The following INKA2 variants were observed in gnomAD, a reference collection of about 807,000 sequenced individuals.
INKA2 encodes inka box actin regulator 2.
In INKA2, 3 loss-of-function variants were observed where a neutral mutation model predicts 9.8. The observed-to-expected ratio is 0.31, with a 90% CI of 0.14 to 0.79. The LOEUF (loss-of-function observed/expected upper bound fraction) is 0.79, where lower values mean the gene tolerates loss of function less well. INKA2 is among the 30% of genes least tolerant of loss of function. The pLI, the probability that INKA2 is intolerant of heterozygous loss-of-function variation, is 0.62. For missense variants in INKA2, 392 were observed against 384.4 expected (o/e 1.02, Z -0.17); for synonymous variants, 147 against 143.3 (o/e 1.03, Z -0.18).
rs1469198270 is a variant in INKA2 at position 111,723,056 on chromosome 1, T to C, written c.*3912A>G. ...CAGTGACAGAGGGGGCTCTCAAATC[T>C]TAACTCCAAGTCTAGTGCTCATACC... On this transcript the variant is annotated 3_prime_UTR_variant, in exon 2 of 2. Coordinates refer to ENST00000357260, the MANE Select transcript of INKA2 (RefSeq NM_019099.5). The C allele has an allele frequency of 2.8e-6, 2 of 701,980 alleles. No individual in the cohort carries two copies. The highest frequency in any genetic ancestry group is 4.0e-5 in the Admixed American group (2 of 49,932). The allele number at this position is 701,980 out of a possible 1,614,324, so 43.5% of individuals were successfully genotyped here.
chr1:111,755,611 GCGGCT>G, intron 1 of INKA2: 2 of 1,523,748 alleles, frequency 1.3e-6, no homozygotes, highest in Non-Finnish European at 1.8e-6. Flanking sequence ...GCACGGCTGG[GCGGCT>G]CCGCCCAGAA....
intron 1 of INKA2, among the ~76,000 whole-genome samples, chr1:111,731,335 C>G (rs1307466250): frequency 6.6e-6 from 1 of 151,402 alleles, no homozygotes; most frequent in Non-Finnish European, 1.5e-5. Context: ...TATTTACATT[C>G]TGTTTTTCAA....
chr1:111,755,559 G>T, intron 1 of INKA2: 2 of 904,562 alleles, frequency 2.2e-6, no homozygotes, highest in East Asian at 2.8e-5. Context: ...GTGACGCACC[G>T]GGCGCATCAC....
In INKA2 at chr1:111,722,672, A is replaced by C. The variant is rs1196805091; in HGVS notation, c.*4296T>G. On this transcript the variant is annotated 3_prime_UTR_variant, in exon 2 of 2. Transcript: ENST00000357260. ...ACAGTGTAAATTTGCCATTTAGCAA[A>C]TAACAGCCCATCTGGGTGGCTAGTA... The C allele has an allele frequency of 6.2e-6, 1 of 160,342 alleles. No individual in the cohort carries two copies. The highest frequency in any genetic ancestry group is 1.4e-5 in the Non-Finnish European group (1 of 72,990). 9.9% of individuals were successfully genotyped at this position (160,342 alleles called of 1,614,324 possible). A position where few individuals can be genotyped will look rare whatever the true frequency, so the allele number is the denominator to read the frequency against.
In INKA2 at chr1:111,724,015, T is replaced by G. The variant is rs1355777247; in HGVS notation, c.*2953A>C. 1 of 152,308 alleles carries G rather than the reference T, an allele frequency of 6.6e-6. No homozygotes were observed. The allele number at this position is 152,308 out of a possible 1,614,324, so 9.4% of individuals were successfully genotyped here. A position where few individuals can be genotyped will look rare whatever the true frequency, so the allele number is the denominator to read the frequency against. On this transcript the variant is annotated 3_prime_UTR_variant, in exon 2 of 2. Coordinates refer to ENST00000357260, the MANE Select transcript of INKA2 (RefSeq NM_019099.5). ...ATTCAATCTCAATTCCACTACTGTG[T>G]GACCTTGGACAAGTTGCTTAACTTC...
Position 111,727,127 on chromosome 1 carries a change from T to C in INKA2, c.735A>G (p.Ser245=), listed in dbSNP as rs775732659. Reference sequence around the variant, plus strand: ...AAAGGCTCCGCTTCTTGACCTTCTGTGAGCGGCCGGTTCGGGACTCAGGGA... The same window carrying C: ...AAAGGCTCCGCTTCTTGACCTTCTGCGAGCGGCCGGTTCGGGACTCAGGGA... The part of the protein sequence containing the change: ...PMVPESRTGR[S]QKVKKRSLSK... The change falls in exon 2 of 2, where the codon TCA becomes TCG. Residue 245 remains serine, a synonymous_variant. Transcript: ENST00000357260. 12 of 1,614,230 alleles carry C rather than the reference T, an allele frequency of 7.4e-6. No homozygotes were observed. The highest frequency in any genetic ancestry group is 2.2e-5 in the East Asian group (1 of 44,876).
chr1:111,731,356 C>CTT (rs377735498), intron 1 of INKA2, among the ~76,000 whole-genome samples: 5 of 145,234 alleles, frequency 3.4e-5, no homozygotes, highest in African/African-American at 1.0e-4. Flanking sequence ...TTTCTCCATG[C>CTT]TTTTTTTTTT....
At chr1:111,744,414 A>G (rs1015264783) in intron 1 of INKA2, 4 of 152,186 alleles carry the variant, frequency 2.6e-5, no homozygotes, top group African/African-American at 4.8e-5. Context: ...CTGTATGGTG[A>G]CGGAATGTGG....
chr1:111,730,634 C>A (rs1267326933), intron 1 of INKA2, among the ~76,000 whole-genome samples: 1 of 150,696 alleles, frequency 6.6e-6, no homozygotes, highest in Non-Finnish European at 1.5e-5. Flanking sequence ...TGAGACGTAC[C>A]CCCCATGCTC....
chr1:111,738,311 C>T (rs1417018866), intron 1 of INKA2, among the ~76,000 whole-genome samples: 2 of 151,986 alleles, frequency 1.3e-5, no homozygotes, highest in African/African-American at 4.8e-5. Context: ...GGGGCGGGGG[C>T]AGTGGTATAT....
At position 111,738,038 on chromosome 1, in the gene INKA2, T is replaced by C. The variant is rs192090946; in HGVS notation, c.57+1148A>G. 1.1e-4 allele frequency among the ~76,000 whole-genome samples: 17 copies of C among 152,328 alleles called. No individual in the cohort carries two copies. The East Asian group carries it at 3.3e-3, about 29-fold the overall frequency. ...AATCTGGAGAGCCATAAGCTGGCCC[T>C]TTCTAGATCCAGGCCTGCTGTTGTG... On this transcript the variant is annotated intron_variant, in intron 1 of 1. Coordinates refer to ENST00000357260, the MANE Select transcript of INKA2 (RefSeq NM_019099.5).
At chr1:111,736,174 C>T (rs1663004367) in intron 1 of INKA2, among the ~76,000 whole-genome samples, 1 of 152,198 alleles carries the variant, frequency 6.6e-6, no homozygotes, top group Non-Finnish European at 1.5e-5. Flanking sequence ...GTTGCAGCCC[C>T]AACCCCTCAT....
rs1466432072 is a variant in INKA2, at chr1:111,739,279, C to T, written c.-37G>A. The stretch of plus-strand genomic sequence containing the variant: ...TCGGGTTCGGTTCAAACAGAGAGGG[C>T]CCGGGTGAAACCCCGGCCCCACTGG... On this transcript the variant is annotated 5_prime_UTR_variant, in exon 1 of 2. Transcript: ENST00000357260. The T allele has an allele frequency of 1.2e-6, 2 of 1,612,648 alleles. No individual in the cohort carries two copies.
chr1:111,755,337 GT>G (rs1382869531), intron 1 of INKA2: 1 of 317,834 alleles, frequency 3.1e-6, no homozygotes, highest in East Asian at 6.0e-5. Flanking sequence ...GATAAATGGG[GT>G]TTATCTCACC....
chr1:111,754,663 A>T (rs1571606362), intron 1 of INKA2: 1 of 152,172 alleles, frequency 6.6e-6, no homozygotes, highest in African/African-American at 2.4e-5. Context: ...CCACACAACT[A>T]AATTTGGAAT....
chr1:111,727,582 AG>A lies in INKA2; in HGVS notation c.279del (p.Ser94ProfsTer23), dbSNP rs1389638425. ...RGPARPTVCS[P>X]SSQPSLGSST... ...CTGCTGCCAAGAGAAGGTTGACTGG[AG>A]GGGGAACAGACTGTGGGCCTGGCAG... is the stretch of plus-strand genomic sequence containing the variant. On this transcript the variant is annotated frameshift_variant, in exon 2 of 2. Transcript: ENST00000357260. LOFTEE classifies it low-confidence loss of function (END_TRUNC). 3 of 1,611,972 alleles carry A rather than the reference AG, an allele frequency of 1.9e-6. No individual in the cohort carries two copies. The highest frequency in any genetic ancestry group is 1.3e-5 in the African/African-American group (1 of 74,894).
chr1:111,752,699 T>C (rs936140943), intron 1 of INKA2, among the ~76,000 whole-genome samples: 4 of 152,002 alleles, frequency 2.6e-5, no homozygotes, highest in South Asian at 4.1e-4. Flanking sequence ...TTTTTCTTTT[T>C]TTTTTTTCTT....
intron 1 of INKA2, chr1:111,754,665 A>G (rs1663486800): frequency 6.6e-6 from 1 of 152,176 alleles, no homozygotes; most frequent in Non-Finnish European, 1.5e-5. Context: ...ACACAACTAA[A>G]TTTGGAATTA....
intron 1 of INKA2, among the ~76,000 whole-genome samples, chr1:111,733,378 C>T (rs910058284): frequency 6.6e-6 from 1 of 152,144 alleles, no homozygotes; most frequent in Non-Finnish European, 1.5e-5. Context: ...GCCTGGGACC[C>T]CAAGGCTGGC....
Sources: gnomAD v4.1 joint callset for allele counts (sites outside exome capture counted in the v4.1 genomes callset) on GRCh38, gnomAD v4.1.1 for gene constraint, MANE v1.5 for transcripts, NCBI Gene and HGNC (gene_info 2026-07-23, HGNC 2026-07-21) for gene names.